Variants in ZNF500 observed in about 807,000 individuals in gnomAD.
ZNF500 encodes zinc finger protein with KRAB and SCAN domains 18.
ZNF500 carries 31 observed loss-of-function variants against 30.1 expected under a neutral mutation model. That is an observed-to-expected ratio of 1.03 (90% CI 0.77 to 1.39). The LOEUF (loss-of-function observed/expected upper bound fraction) is 1.39, where lower values mean the gene tolerates loss of function less well. Ranked by LOEUF, ZNF500 falls within the 40% of genes most tolerant of loss-of-function variation. The probability of loss-of-function intolerance (pLI) is 0.00; values close to 1 mark genes in which losing one functional copy is unlikely to be tolerated. For missense variants in ZNF500, 817 were observed against 657.8 expected (o/e 1.24, Z -2.65); for synonymous variants, 392 against 282.0 (o/e 1.39, Z -3.91).
chr16:4,747,910 C>T (rs374815192), downstream of ZNF500, among the ~76,000 whole-genome samples: 12 of 152,244 alleles, frequency 7.9e-5, no homozygotes, highest in African/African-American at 2.4e-4. Context: ...AGCAGGAGGA[C>T]GGGGTGCTGC....
chr16:4,746,014 A>C (rs1444093040), downstream of ZNF500: 2 of 185,802 alleles, frequency 1.1e-5, no homozygotes, highest in Non-Finnish European at 2.2e-5. Flanking sequence ...TAACCATGGC[A>C]GCCATTAGCC....
In ZNF500 at chr16:4,762,755, C is replaced by G. The variant is rs771842613; in HGVS notation, c.416G>C (p.Gly139Ala). Residue 139 changes from glycine (G) to alanine (A), a missense_variant and splice_region_variant, in exon 3 of 6, where the codon GGC becomes GCC. Gly to Ala is a moderately conservative substitution (Grantham distance 60). Transcript: ENST00000219478. ...CTCGTCATCAGAAAGCAGCTCTGAG[C>G]CCTGCACACAGACAGTGATCTCCCC... ...QRKPRKHRQR[G>A]SELLSDDEVP... is the part of the protein sequence containing the mutation. 4.1e-5 allele frequency: 66 copies of G among 1,597,242 alleles called. No individual in the cohort carries two copies. Among genetic ancestry groups the G allele is most frequent in the Admixed American group, 5.1e-5 (3 of 59,182 alleles).
At chr16:4,745,410 G>C (rs1441214526), downstream of ZNF500, among the ~76,000 whole-genome samples, 1 of 152,202 alleles carries the variant, frequency 6.6e-6, no homozygotes, top group African/African-American at 2.4e-5. Context: ...TTCAATCTCT[G>C]TGTCTCTGTG....
chr16:4,762,546 T>C (rs1232956965), intron 3 of ZNF500, 27 bp downstream of exon 3: 14 of 1,592,540 alleles, frequency 8.8e-6, no homozygotes, highest in Non-Finnish European at 1.2e-5. Flanking sequence ...GCACCACTTC[T>C]CATTCCTCCA....
In ZNF500 at chr16:4,750,900, C is replaced by A. The variant is rs1368947668; in HGVS notation, c.*1476G>T. Reference sequence around the variant, plus strand: ...CCACCCGCGTTGGCCTCCCAAAGTGCTAGGATTATAGGTGGGAGCCACTGT... The same window carrying A: ...CCACCCGCGTTGGCCTCCCAAAGTGATAGGATTATAGGTGGGAGCCACTGT... On this transcript the variant is annotated 3_prime_UTR_variant, in exon 6 of 6. Coordinates refer to ENST00000219478, the MANE Select transcript of ZNF500 (RefSeq NM_021646.4). 1.3e-5 allele frequency: 2 copies of A among 148,832 alleles called. No individual in the cohort carries two copies. The highest frequency in any genetic ancestry group is 1.5e-5 in the Non-Finnish European group (1 of 67,824). 9.2% of individuals were successfully genotyped at this position (148,832 alleles called of 1,614,324 possible).
At chr16:4,744,561 C>A (rs919634711), downstream of ZNF500, among the ~76,000 whole-genome samples, 7 of 151,930 alleles carry the variant, frequency 4.6e-5, no homozygotes, top group African/African-American at 1.7e-4. Context: ...CAGAACTGTT[C>A]ATTATGATCA....
chr16:4,744,769 C>T, downstream of ZNF500: 2 of 1,397,406 alleles, frequency 1.4e-6, no homozygotes, highest in South Asian at 2.6e-5. Flanking sequence ...GCCTGAGGTC[C>T]ATTCACATGT....
intron 4 of ZNF500, 22 bp downstream of exon 4, chr16:4,762,249 A>G: frequency 6.2e-7 from 1 of 1,608,920 alleles, no homozygotes; most frequent in Non-Finnish European, 8.5e-7. Context: ...AGGATGCTGC[A>G]GACCAGGAGC....
intron 2 of ZNF500, among the ~76,000 whole-genome samples, chr16:4,765,309 T>A (rs550510890): frequency 1.3e-5 from 2 of 151,112 alleles, no homozygotes; most frequent in East Asian, 1.9e-4. Context: ...AAAAAAAACA[T>A]GTTTGGCCTA....
intron 5 of ZNF500, among the ~76,000 whole-genome samples, chr16:4,758,760 C>T (rs1208377409): frequency 1.3e-5 from 2 of 152,184 alleles, no homozygotes; most frequent in Non-Finnish European, 2.9e-5. Flanking sequence ...ACTAAAGCTA[C>T]TGATGACCAA....
chr16:4,765,959 A>G lies in ZNF500; in HGVS notation c.20T>C (p.Leu7Pro). 6.3e-7 allele frequency: 1 copy of G among 1,581,852 alleles called. No homozygotes were observed. Among genetic ancestry groups the G allele is most frequent in the South Asian group, 1.2e-5 (1 of 86,310 alleles). Residue 7 changes from leucine (L) to proline (P), a missense_variant, in exon 2 of 6, where the codon CTC becomes CCC. By Grantham distance (98) the Leu-to-Pro change is moderately conservative. Coordinates refer to ENST00000219478, the MANE Select transcript of ZNF500 (RefSeq NM_021646.4). MATVPGLQPLPTLEQDL... is the reference protein window; with the variant it reads MATVPGPQPLPTLEQDL... ...CTGCTCCAAGGTTGGCAGGGGCTGGAGGCCAGGGACAGTGGCCATTGCTTC... is the reference window on the plus strand; with the variant it reads ...CTGCTCCAAGGTTGGCAGGGGCTGGGGGCCAGGGACAGTGGCCATTGCTTC...
At chr16:4,747,017 G>C (rs372365401), downstream of ZNF500, 2 of 1,529,900 alleles carry the variant, frequency 1.3e-6, no homozygotes, top group Non-Finnish European at 1.7e-6. Flanking sequence ...CTTCCTCCCT[G>C]GGGCTACGGT....
chr16:4,761,383 T>C (rs1326352303), intron 4 of ZNF500, among the ~76,000 whole-genome samples: 1 of 150,914 alleles, frequency 6.6e-6, no homozygotes, highest in African/African-American at 2.4e-5. Context: ...GAGGTTGCAG[T>C]GAGCCGAGAT....
chr16:4,764,169 C>A, intron 2 of ZNF500: 1 of 856,204 alleles, frequency 1.2e-6, no homozygotes, highest in African/African-American at 1.8e-5. Context: ...ACAGTAGCCA[C>A]TGGCCATGTG....
rs545448572 is a variant in ZNF500 at position 4,765,195 on chromosome 16, A to G, written c.414+370T>C. Among the ~76,000 whole-genome samples the G allele has an allele frequency of 7.2e-5, 11 of 152,176 alleles. No homozygotes were observed. The East Asian group carries it at 1.5e-3, about 21-fold the overall frequency. ...GCATGCCTGTAGTCCCAGCTACTCA[A>G]TAGGCTGAGGTGGGAGGATTGCTTG... is the stretch of plus-strand genomic sequence containing the variant. On this transcript the variant is annotated intron_variant, in intron 2 of 5. Transcript: ENST00000219478.
chr16:4,760,375 T>C, intron 5 of ZNF500, 117 bp downstream of exon 5: 2 of 909,596 alleles, frequency 2.2e-6, no homozygotes, highest in Non-Finnish European at 3.4e-6. Context: ...CGGGTAGCCC[T>C]GTCCACGGAG....
intron 4 of ZNF500, among the ~76,000 whole-genome samples, chr16:4,760,833 G>A (rs2141844267): frequency 6.6e-6 from 1 of 152,216 alleles, no homozygotes; most frequent in South Asian, 2.1e-4. Flanking sequence ...CACGAGGAGT[G>A]GTGGACCCAC....
At chr16:4,766,373 C>T (rs1431228672) in intron 1 of ZNF500, among the ~76,000 whole-genome samples, 1 of 152,172 alleles carries the variant, frequency 6.6e-6, no homozygotes, top group African/African-American at 2.4e-5. Context: ...CCTGTAATCC[C>T]CGCACTTTGG....
intron 5 of ZNF500, among the ~76,000 whole-genome samples, chr16:4,753,964 C>G (rs563949436): frequency 3.3e-5 from 5 of 152,234 alleles, no homozygotes; most frequent in Non-Finnish European, 7.3e-5. Flanking sequence ...GAGCCACCAC[C>G]AACAGGACAG....
Sources: gnomAD v4.1 joint callset for allele counts (sites outside exome capture counted in the v4.1 genomes callset) on GRCh38, gnomAD v4.1.1 for gene constraint, MANE v1.5 for transcripts, NCBI Gene and HGNC (gene_info 2026-07-23, HGNC 2026-07-21) for gene names.